CC2D2A: variants seen among roughly 807,000 people sequenced by gnomAD.
CC2D2A encodes the protein coiled-coil and C2 domain containing 2A.
Under a neutral mutation model 212.9 loss-of-function variants are expected in CC2D2A, and 155 were observed. That is an observed-to-expected ratio of 0.73 (90% CI 0.64 to 0.83). The LOEUF (loss-of-function observed/expected upper bound fraction) is 0.83, where lower values mean the gene tolerates loss of function less well. Ranked by LOEUF, CC2D2A falls within the 40% of genes least tolerant of loss-of-function variation. CC2D2A has a pLI of 0.00. For synonymous variants in CC2D2A, 667 were observed against 686.5 expected, an observed-to-expected ratio of 0.97 and a Z score of 0.44; for missense variants, 1,856 against 1,956.2, an observed-to-expected ratio of 0.95 and a Z score of 0.97.
In CC2D2A at chr4:15,524,447, A is replaced by ATTTTTTTT. The variant is rs71179636; in HGVS notation, c.1150-2986_1150-2979dup. Among the ~76,000 whole-genome samples the ATTTTTTTT allele has an allele frequency of 4.9e-3, 440 of 89,970 alleles. 3 individuals carry two copies. The highest frequency in any genetic ancestry group is 0.023 in the East Asian group (66 of 2,912). 59.0% of individuals were successfully genotyped at this position (89,970 alleles called of 152,430 possible). ...CACTCGGCCTTCTGTAAAATTTTTA[A>ATTTTTTTT]TTTTTTTTTTTTTTTTTTTTTGAGA... On this transcript the variant is annotated intron_variant, in intron 11 of 36. Coordinates refer to ENST00000424120, the MANE Select transcript of CC2D2A (RefSeq NM_001378615.1).
In CC2D2A at chr4:15,599,696, G is replaced by C; in HGVS notation, c.4664G>C (p.Gly1555Ala). Residue 1555 changes from glycine to alanine, a missense_variant, in exon 36 of 37, where the codon GGA (glycine) becomes GCA (alanine). By Grantham distance (60) the Gly-to-Ala change is moderately conservative. Coordinates refer to ENST00000424120, the MANE Select transcript of CC2D2A (RefSeq NM_001378615.1). ...DHRAELLKQLGDYRFSGFPLH... is the reference protein window; with the variant it reads ...DHRAELLKQLADYRFSGFPLH... ...AGAGCAGAACTGCTAAAACAGCTGG[G>C]AGACTACAGGGTAAGTTACAAATGG... 6.2e-7 allele frequency: 1 copy of C among 1,608,694 alleles called. No homozygotes were observed. The highest frequency in any genetic ancestry group is 8.5e-7 in the Non-Finnish European group (1 of 1,176,068).
At chr4:15,486,248 T>A (rs1306417498) in intron 4 of CC2D2A, among the ~76,000 whole-genome samples, 1 of 152,124 alleles carries the variant, frequency 6.6e-6, no homozygotes, top group Non-Finnish European at 1.5e-5. Context: ...GTTCTTTAAA[T>A]GTTTTGTTGA....
At chr4:15,577,745 T>C (rs1720475884) in intron 29 of CC2D2A, among the ~76,000 whole-genome samples, 1 of 151,798 alleles carries the variant, frequency 6.6e-6, no homozygotes, top group Admixed American at 6.6e-5. Context: ...AGGCCAATAA[T>C]CAGTACTGAT....
intron 4 of CC2D2A, chr4:15,492,627 A>C: frequency 2.1e-6 from 1 of 486,060 alleles, no homozygotes; most frequent in Non-Finnish European, 3.9e-6. Context: ...GGAGATTCTC[A>C]GTGAGGTGGG....
intron 30 of CC2D2A, among the ~76,000 whole-genome samples, chr4:15,581,936 A>G (rs970990994): frequency 6.6e-6 from 1 of 152,346 alleles, no homozygotes; most frequent in Admixed American, 6.5e-5. Context: ...AAGATCATCA[A>G]TGAAGAAGTA....
At chr4:15,503,471 C>A (rs903657505) in intron 6 of CC2D2A, among the ~76,000 whole-genome samples, 2 of 152,114 alleles carry the variant, frequency 1.3e-5, no homozygotes, top group Non-Finnish European at 1.5e-5. Context: ...AGATGTGAAA[C>A]CACCCTGGGT....
intron 11 of CC2D2A, among the ~76,000 whole-genome samples, chr4:15,523,228 T>TA (rs1229406971): frequency 1.3e-5 from 2 of 152,134 alleles, no homozygotes; most frequent in African/African-American, 4.8e-5. Flanking sequence ...CATCCTTAAC[T>TA]AAAAAATACT....
intron 29 of CC2D2A, among the ~76,000 whole-genome samples, chr4:15,578,727 G>A (rs1206366008): frequency 6.6e-6 from 1 of 152,126 alleles, no homozygotes; most frequent in African/African-American, 2.4e-5. Flanking sequence ...CCAGGCTCAA[G>A]TGAGCCCCCT....
At chr4:15,555,271 A>G in intron 20 of CC2D2A, 61 bp downstream of exon 20, 1 of 1,578,404 alleles carries the variant, frequency 6.3e-7, no homozygotes. Flanking sequence ...ATTTTCCTTT[A>G]CACTATCTTC....
intron 17 of CC2D2A, among the ~76,000 whole-genome samples, chr4:15,550,427 A>G (rs1318535687): frequency 2.0e-5 from 3 of 152,226 alleles, no homozygotes; most frequent in African/African-American, 7.2e-5. Flanking sequence ...ATAATAAGCC[A>G]TCTGGGGGCA....
In CC2D2A at chr4:15,573,810, GTAGA is replaced by G; in HGVS notation, c.3595-337_3595-334del. Among the ~76,000 whole-genome samples the G allele has an allele frequency of 2.0e-5, 3 of 152,272 alleles. No individual in the cohort carries two copies. In the South Asian group the frequency reaches 6.2e-4, roughly 32 times the overall value. ...TCACTACTCATAACAACCCCACAAA[GTAGA>G]TACTATTATTGTCTCTTTTTACTAA... is the stretch of plus-strand genomic sequence containing the variant. On this transcript the variant is annotated intron_variant, in intron 28 of 36. Coordinates refer to ENST00000424120, the MANE Select transcript of CC2D2A (RefSeq NM_001378615.1).
At chr4:15,592,839 AC>A (rs1455504236) in intron 33 of CC2D2A, among the ~76,000 whole-genome samples, 3 of 152,312 alleles carry the variant, frequency 2.0e-5, no homozygotes, top group Non-Finnish European at 2.9e-5. Flanking sequence ...CTCACACAGC[AC>A]ATGCAAAACT....
In CC2D2A at chr4:15,574,303, C is replaced by T; in HGVS notation, c.3748C>T (p.Pro1250Ser). The change falls in exon 29 of 37, where the codon CCT (proline) becomes TCT (serine). Residue 1250 changes from proline (P) to serine (S), a missense_variant. Transcript: ENST00000424120. The stretch of plus-strand genomic sequence containing the variant: ...TATTACCATTGAGCCCCAGCTGGTT[C>T]CTGGAGAGTCCATTCGAGAAAAGGT... ...LFITIEPQLVPGESIREKFES... is the reference protein window; with the variant it reads ...LFITIEPQLVSGESIREKFES... The T allele has an allele frequency of 5.2e-6, 8 of 1,549,998 alleles. No homozygotes were observed. Among genetic ancestry groups the T allele is most frequent in the Non-Finnish European group, 6.1e-6 (7 of 1,146,140 alleles).
intron 11 of CC2D2A, among the ~76,000 whole-genome samples, chr4:15,524,412 T>G (rs1717382428): frequency 6.6e-6 from 1 of 150,434 alleles, no homozygotes; most frequent in Non-Finnish European, 1.5e-5. Context: ...ATTACAGGCA[T>G]GAGCCACTGC....
At chr4:15,555,354 C>G (rs1433353703) in intron 20 of CC2D2A, 144 bp downstream of exon 20, 2 of 1,042,686 alleles carry the variant, frequency 1.9e-6, no homozygotes, top group African/African-American at 3.2e-5. Flanking sequence ...GTGCTTCTTG[C>G]CTGGCTATGG....
chr4:15,492,936 A>T, intron 4 of CC2D2A: 1 of 528,280 alleles, frequency 1.9e-6, no homozygotes, highest in Non-Finnish European at 3.6e-6. Context: ...GGGCCCTCTG[A>T]TGCCTGCTTC....
At chr4:15,477,977 T>A (rs1229177171) in intron 2 of CC2D2A, among the ~76,000 whole-genome samples, 1 of 152,218 alleles carries the variant, frequency 6.6e-6, no homozygotes, top group East Asian at 1.9e-4. Flanking sequence ...AAAAATCTAG[T>A]AAGTTTTGTG....
chr4:15,597,556 C>G, intron 35 of CC2D2A, 91 bp downstream of exon 35: 1 of 951,514 alleles, frequency 1.1e-6, no homozygotes, highest in East Asian at 2.6e-5. Context: ...GAATGTGAAA[C>G]AATTTAGGCA....
intron 14 of CC2D2A, 43 bp from the exon 15 acceptor site, chr4:15,536,877 T>C (rs1468415605): frequency 6.3e-7 from 1 of 1,586,862 alleles, no homozygotes; most frequent in South Asian, 1.1e-5. Context: ...GCTCTCTTAC[T>C]TAATTTCCAG....
Sources: allele counts gnomAD v4.1 joint callset (sites outside exome capture counted in the v4.1 genomes callset), GRCh38; gene constraint gnomAD v4.1.1; transcripts MANE v1.5; gene names NCBI Gene and HGNC (gene_info 2026-07-23, HGNC 2026-07-21).